BRD8: variants seen among roughly 807,000 people sequenced by gnomAD.
BRD8 encodes the protein bromodomain-containing protein 8.
Under a neutral mutation model 143.1 loss-of-function variants are expected in BRD8, and 67 were observed. The observed-to-expected ratio is 0.47, with a 90% CI of 0.38 to 0.57. BRD8 has a LOEUF of 0.57. Among genes scored for constraint, BRD8 ranks in the 20% least tolerant of loss-of-function variants. The pLI, the probability that BRD8 is intolerant of heterozygous loss-of-function variation, is 0.00. For missense variants in BRD8, 1,103 were observed against 1,503.0 expected (o/e 0.73, Z 4.40); for synonymous variants, 505 against 517.1 (o/e 0.98, Z 0.32).
In BRD8 at chr5:138,152,674, G is replaced by A; in HGVS notation, c.2664C>T (p.Ser888=). Reference sequence around the variant, plus strand: ...CAAGATCCAGACTGGAGTCCCATGAGCTGAAGAGGGACCTGCAGTCATTGC... The same window carrying A: ...CAAGATCCAGACTGGAGTCCCATGAACTGAAGAGGGACCTGCAGTCATTGC... The part of the protein sequence containing the change: ...ELSNDCRSLF[S]SWDSSLDLDV... Residue 888 remains serine, a synonymous_variant, in exon 21 of 27, where the codon AGC becomes AGT. Transcript: ENST00000254900. The A allele has an allele frequency of 6.2e-7, 1 of 1,614,184 alleles. No individual in the cohort carries two copies.
chr5:138,168,693 G>C (rs1441560258), intron 8 of BRD8: 2 of 1,439,980 alleles, frequency 1.4e-6, no homozygotes, highest in African/African-American at 2.8e-5. Flanking sequence ...GGTTACCTAA[G>C]AGACAACAGA....
At chr5:138,151,029 T>A (rs771079831) in intron 21 of BRD8, 21 bp from the exon 22 acceptor site, 2 of 1,603,916 alleles carry the variant, frequency 1.2e-6, no homozygotes, top group Non-Finnish European at 8.5e-7. Context: ...AGTTTATTAT[T>A]AGATGCACAG....
rs1203518788 is a variant in BRD8, at chr5:138,166,508, A to G, written c.997+10T>C. 6.3e-7 allele frequency: 1 copy of G among 1,575,804 alleles called. No homozygotes were observed. Among genetic ancestry groups the G allele is most frequent in the East Asian group, 2.2e-5 (1 of 44,496 alleles). On this transcript the variant is annotated intron_variant, in intron 10 of 26. Transcript: ENST00000254900. Reference sequence around the variant, plus strand: ...GAAATTTTAGATCTAGTGGCTGCTCAGGGACGCACCTGGAGCTACACTTTC... The same window carrying G: ...GAAATTTTAGATCTAGTGGCTGCTCGGGGACGCACCTGGAGCTACACTTTC...
Position 138,163,308 on chromosome 5 carries a change from T to C in BRD8, c.1909A>G (p.Ser637Gly). 1.2e-6 allele frequency: 2 copies of C among 1,614,176 alleles called. No homozygotes were observed. The highest frequency in any genetic ancestry group is 1.7e-6 in the Non-Finnish European group (2 of 1,180,014). Residue 637 changes from serine (S) to glycine (G), a missense_variant, in exon 15 of 27, where the codon AGT (serine) becomes GGT (glycine). Ser to Gly is a moderately conservative substitution (Grantham distance 56). This residue lies in a region of BRD8 where 75 missense variants were observed against 111.7 expected (regional missense o/e 0.67). Transcript: ENST00000254900. ...PGEDEEEDGV[S>G]EAASLEEPKE... The stretch of plus-strand genomic sequence containing the variant: ...GGCTCCTCTAGGCTGGCCGCTTCAC[T>C]GACACCATCTTCCTCCTCATCCTCA...
chr5:138,169,135 T>C (rs1753671471), intron 8 of BRD8, 87 bp downstream of exon 8: 2 of 1,458,516 alleles, frequency 1.4e-6, no homozygotes. Flanking sequence ...AAGTTGCCTC[T>C]AGGCCAAAAG....
intron 2 of BRD8, among the ~76,000 whole-genome samples, chr5:138,175,409 G>A (rs1385225674): frequency 6.6e-6 from 1 of 152,038 alleles, no homozygotes; most frequent in Non-Finnish European, 1.5e-5. Context: ...GGCTGATACC[G>A]AGAAAGGTAA....
chr5:138,149,634 G>T lies in BRD8; in HGVS notation c.3278+6C>A. On this transcript the variant is annotated splice_donor_region_variant and intron_variant, in intron 23 of 26. Coordinates refer to ENST00000254900, the MANE Select transcript of BRD8 (RefSeq NM_139199.2). ...TTAACAAACTTGGATGAAAGTCTAC[G>T]CTTACAGCTTTGAGGAGGTAGCATG... 1 of 1,589,236 alleles carries T rather than the reference G, an allele frequency of 6.3e-7. No homozygotes were observed. The highest frequency in any genetic ancestry group is 8.5e-7 in the Non-Finnish European group (1 of 1,170,254).
At chr5:138,161,748 C>CA in intron 17 of BRD8, 48 bp downstream of exon 17, 3 of 1,576,344 alleles carry the variant, frequency 1.9e-6, no homozygotes, top group Middle Eastern at 3.4e-4. Context: ...TAAGACTGGA[C>CA]AATTTATAAT....
chr5:138,168,104 G>T (rs1347602149), intron 8 of BRD8, 26 bp from the exon 9 acceptor site: 11 of 1,581,936 alleles, frequency 7.0e-6, no homozygotes, highest in Non-Finnish European at 8.6e-6. Context: ...AGAGGTGAAG[G>T]CTACACTCAA....
In BRD8 at chr5:138,139,787, TATTTATAGAGTA is replaced by T. The variant is rs1751835545; in HGVS notation, c.*275_*286del. 1 of 373,676 alleles carries T rather than the reference TATTTATAGAGTA, an allele frequency of 2.7e-6. No homozygotes were observed. The highest frequency in any genetic ancestry group is 4.8e-6 in the Non-Finnish European group (1 of 208,874). 23.1% of individuals were successfully genotyped at this position (373,676 alleles called of 1,614,324 possible). A position where few individuals can be genotyped will look rare whatever the true frequency, so the allele number is the denominator to read the frequency against. On this transcript the variant is annotated 3_prime_UTR_variant, in exon 27 of 27. Coordinates refer to ENST00000254900, the MANE Select transcript of BRD8 (RefSeq NM_139199.2). ...AATATTCCTATTGTGTAAATACATT[TATTTATAGAGTA>T]AAAGGCTTAGAAAAGATCTAATGGA...
rs952841713 is a variant in BRD8 at position 138,166,303 on chromosome 5, T to C, written c.998-195A>G. The C allele has an allele frequency of 1.1e-5, 7 of 619,138 alleles. No individual in the cohort carries two copies. In the African/African-American group the frequency reaches 1.3e-4, roughly 11 times the overall value. 38.4% of individuals were successfully genotyped at this position (619,138 alleles called of 1,614,324 possible). A position where few individuals can be genotyped will look rare whatever the true frequency, so the allele number is the denominator to read the frequency against. ...GAGAACATATTTTCAAGCCTGCTCA[T>C]ATCTGTATACTTAGCCTCTTCCTGC... On this transcript the variant is annotated intron_variant, in intron 10 of 26. Coordinates refer to ENST00000254900, the MANE Select transcript of BRD8 (RefSeq NM_139199.2).
rs59338837 is a variant in BRD8 at position 138,175,912 on chromosome 5, C to CAA, written c.116+1657_116+1658dup. 9.0e-3 allele frequency among the ~76,000 whole-genome samples: 168 copies of CAA among 18,584 alleles called. 24 individuals are homozygous for CAA. Among genetic ancestry groups the CAA allele is most frequent in the African/African-American group, 8.7e-3 (37 of 4,246 alleles). The allele number at this position is 18,584 out of a possible 152,430, so 12.2% of individuals were successfully genotyped here. ...CTGGGTGACAGTGAGACCCTGTCTG[C>CAA]AAAAAAAAAAAAAAAAAAAAAAAAA... On this transcript the variant is annotated intron_variant, in intron 2 of 26. Transcript: ENST00000254900.
chr5:138,142,664 G>A (rs1751956038), intron 25 of BRD8, among the ~76,000 whole-genome samples: 2 of 151,262 alleles, frequency 1.3e-5, no homozygotes, highest in South Asian at 4.2e-4. Context: ...TCAGGAGGCT[G>A]AGGCAGGAGA....
At chr5:138,162,765 G>A (rs1165637044) in intron 15 of BRD8, among the ~76,000 whole-genome samples, 1 of 152,028 alleles carries the variant, frequency 6.6e-6, no homozygotes, top group Admixed American at 6.6e-5. Flanking sequence ...GGGAGGCCGA[G>A]GCAGGTGGAA....
At chr5:138,150,650 TAA>T in intron 22 of BRD8, 93 bp downstream of exon 22, 1 of 1,377,538 alleles carries the variant, frequency 7.3e-7, no homozygotes, top group Non-Finnish European at 9.8e-7. Context: ...CCAGGTAGTT[TAA>T]CTTTCTGGAG....
intron 19 of BRD8, 112 bp downstream of exon 19, chr5:138,159,957 A>C: frequency 1.3e-6 from 1 of 758,500 alleles, no homozygotes; most frequent in Non-Finnish European, 2.3e-6. Context: ...ATGTGTCTGT[A>C]TATCATTGGA....
At chr5:138,167,296 G>T (rs929705503) in intron 9 of BRD8, among the ~76,000 whole-genome samples, 3 of 151,414 alleles carry the variant, frequency 2.0e-5, no homozygotes, top group African/African-American at 7.3e-5. Flanking sequence ...AACAACAAAG[G>T]GTGGTAATTT....
At chr5:138,163,966 C>T (rs1753203888) in intron 14 of BRD8, 121 bp downstream of exon 14, 3 of 1,212,496 alleles carry the variant, frequency 2.5e-6, no homozygotes, top group Admixed American at 1.9e-5. Flanking sequence ...TTTCCCCATG[C>T]AACTCCATAC....
At position 138,166,707 on chromosome 5, in the gene BRD8, G is replaced by C. The variant is rs1351941748; in HGVS notation, c.808C>G (p.Leu270Val). 6 of 1,612,308 alleles carry C rather than the reference G, an allele frequency of 3.7e-6. No individual in the cohort carries two copies. The highest frequency in any genetic ancestry group is 4.2e-6 in the Non-Finnish European group (5 of 1,178,676). Residue 270 changes from leucine (L) to valine (V), a missense_variant, in exon 10 of 27, where the codon CTT becomes GTT. By Grantham distance (32) the Leu-to-Val change is conservative. Coordinates refer to ENST00000254900, the MANE Select transcript of BRD8 (RefSeq NM_139199.2). ...AACTGTGTAGGACCAGCTTCTAAAAGCCGGGAAAGAGTGGGAGCACCTAAC... is the reference window on the plus strand; with the variant it reads ...AACTGTGTAGGACCAGCTTCTAAAACCCGGGAAAGAGTGGGAGCACCTAAC... Reference protein sequence around the residue: ...AASGAPTLSRLLEAGPTQFTT... With the variant: ...AASGAPTLSRVLEAGPTQFTT...
Sources: allele counts gnomAD v4.1 joint callset (sites outside exome capture counted in the v4.1 genomes callset), GRCh38; gene constraint gnomAD v4.1.1; regional missense constraint gnomAD v4.1.1; transcripts MANE v1.5; gene names NCBI Gene and HGNC (gene_info 2026-07-23, HGNC 2026-07-21).